HDGFL2: variants seen among roughly 807,000 people sequenced by gnomAD.
The protein encoded by HDGFL2 is HDGF like 2.
HDGFL2 carries 36 observed loss-of-function variants against 77.1 expected under a neutral mutation model. The observed-to-expected ratio is 0.47, with a 90% CI of 0.36 to 0.62. The LOEUF (loss-of-function observed/expected upper bound fraction) is 0.62. HDGFL2 is among the 20% of genes least tolerant of loss of function. HDGFL2 has a pLI of 0.00. For synonymous variants in HDGFL2, 463 were observed against 413.1 expected (o/e 1.12, Z -1.46); for missense variants, 976 against 973.4 (o/e 1.00, Z -0.04).
chr19:4,489,124 T>A (rs555447447), intron 4 of HDGFL2, among the ~76,000 whole-genome samples: 137 of 151,862 alleles, frequency 9.0e-4, no homozygotes, highest in African/African-American at 3.2e-3. Flanking sequence ...TGGCTAATTT[T>A]TGTATTTTTG....
At chr19:4,472,457 G>GT (rs1416881826) in intron 1 of HDGFL2, 35 bp downstream of exon 1, 33 of 455,732 alleles carry the variant, frequency 7.2e-5, no homozygotes, top group African/African-American at 5.6e-4. Context: ...CGGTGGGGGG[G>GT]GGGGGGGGGG....
At position 4,488,717 on chromosome 19, in the gene HDGFL2, C is replaced by T. The variant is rs747022562; in HGVS notation, c.330C>T (p.Pro110=). ...SSDSEAPEAN[P]ADGSDADEDD... is the part of the protein sequence containing the mutation. ...ACAGCGAGGCCCCCGAGGCCAACCC[C>T]GCCGACGGCAGTGACGCTGACGAGG... is the stretch of plus-strand genomic sequence containing the variant. Residue 110 remains proline (P), a synonymous_variant, in exon 4 of 16, where the codon CCC becomes CCT. Transcript: ENST00000616600. 33 of 1,552,650 alleles carry T rather than the reference C, an allele frequency of 2.1e-5. No homozygotes were observed. The highest frequency in any genetic ancestry group is 3.3e-4 in the Middle Eastern group (2 of 6,004).
At position 4,488,701 on chromosome 19, in the gene HDGFL2, C is replaced by T. The variant is rs889772861; in HGVS notation, c.314C>T (p.Ala105Val). The T allele has an allele frequency of 6.5e-7, 1 of 1,548,892 alleles. No individual in the cohort carries two copies. The highest frequency in any genetic ancestry group is 8.7e-7 in the Non-Finnish European group (1 of 1,148,272). Residue 105 changes from alanine to valine, a missense_variant, in exon 4 of 16, where the codon GCC (alanine) becomes GTC (valine). Transcript: ENST00000616600. ...PPPVSSSDSE[A>V]PEANPADGSD... ...CCAGTGAGCTCCTCCGACAGCGAGGCCCCCGAGGCCAACCCCGCCGACGGC... is the reference window on the plus strand; with the variant it reads ...CCAGTGAGCTCCTCCGACAGCGAGGTCCCCGAGGCCAACCCCGCCGACGGC...
Position 4,502,003 on chromosome 19 carries a change from A to C in HDGFL2, c.2009A>C (p.Glu670Ala). 6.6e-7 allele frequency: 1 copy of C among 1,517,186 alleles called. No homozygotes were observed. Among genetic ancestry groups the C allele is most frequent in the Non-Finnish European group, 8.8e-7 (1 of 1,139,868 alleles). 94.0% of individuals were successfully genotyped at this position (1,517,186 alleles called of 1,614,324 possible). ...ARGDSEALDE[E>A]S ...GGGGACTCGGAGGCCCTGGACGAGG[A>C]GAGCTGAGCCGCGGGCAGCCAGGCC... Residue 670 changes from glutamate to alanine, a missense_variant, in exon 16 of 16, where the codon GAG becomes GCG. Coordinates refer to ENST00000616600, the MANE Select transcript of HDGFL2 (RefSeq NM_001001520.3).
At chr19:4,500,276 GTCTTTTTTTTCTTTTT>G (rs1002228691) in intron 14 of HDGFL2, among the ~76,000 whole-genome samples, 1 of 152,116 alleles carries the variant, frequency 6.6e-6, no homozygotes, top group African/African-American at 2.4e-5. Flanking sequence ...GAAGGCTAGT[GTCTTTTTTTTCTTTTT>G]TCTTTTTTTT....
chr19:4,480,513 G>A (rs990521676), intron 3 of HDGFL2, among the ~76,000 whole-genome samples: 2 of 152,230 alleles, frequency 1.3e-5, no homozygotes, highest in Non-Finnish European at 2.9e-5. Flanking sequence ...GAGGTCAGGA[G>A]TTTGAGATCA....
chr19:4,496,447 C>CCCCGCAT, intron 10 of HDGFL2, 42 bp downstream of exon 10: 1 of 1,420,372 alleles, frequency 7.0e-7, no homozygotes, highest in East Asian at 2.4e-5. Context: ...GGGCCCCGCA[C>CCCCGCAT]CCCGCATCAC....
rs1281753991 is a variant in HDGFL2, at chr19:4,493,758, C to T, written c.734C>T (p.Pro245Leu). The T allele has an allele frequency of 6.5e-7, 1 of 1,542,318 alleles. No individual in the cohort carries two copies. The highest frequency in any genetic ancestry group is 2.0e-5 in the Admixed American group (1 of 50,312). Residue 245 changes from proline (P) to leucine (L), a missense_variant, in exon 7 of 16, where the codon CCT becomes CTT. Physicochemically the swap from Pro to Leu is moderately conservative, Grantham distance 98. This residue lies in a region of HDGFL2 where 567 missense variants were observed against 534.7 expected (regional missense o/e 1.06). Coordinates refer to ENST00000616600, the MANE Select transcript of HDGFL2 (RefSeq NM_001001520.3). ...AAGGCCGATTCGGACGGGGCCAAGC[C>T]TGAGCCGGTGGCCATGGCGCGGTCG... is the stretch of plus-strand genomic sequence containing the variant. ...DSKADSDGAK[P>L]EPVAMARSAS...
chr19:4,495,320 A>T (rs1975672208), intron 9 of HDGFL2, among the ~76,000 whole-genome samples: 1 of 136,398 alleles, frequency 7.3e-6, no homozygotes, highest in African/African-American at 2.7e-5. Flanking sequence ...CCTGGGAGGC[A>T]GAGGTTGCAG....
At chr19:4,499,294 C>T (rs112393847) in intron 13 of HDGFL2, among the ~76,000 whole-genome samples, 197 bp from the exon 14 acceptor site, 3,753 of 151,476 alleles carry the variant, frequency 0.025, 155 homozygotes, top group African/African-American at 0.086. Flanking sequence ...TGCAGTGAGC[C>T]GAGATCGCGC....
At chr19:4,478,273 G>T (rs370740521) in intron 3 of HDGFL2, among the ~76,000 whole-genome samples, 35 of 150,368 alleles carry the variant, frequency 2.3e-4, no homozygotes, top group African/African-American at 8.3e-4. Flanking sequence ...TGTGGTCTTG[G>T]CTAATTGCAA....
At chr19:4,489,644 C>T (rs760484549) in intron 4 of HDGFL2, among the ~76,000 whole-genome samples, 12 of 151,620 alleles carry the variant, frequency 7.9e-5, no homozygotes, top group Non-Finnish European at 1.5e-4. Flanking sequence ...CCTCATGATC[C>T]GCCCGCTTCG....
At chr19:4,495,714 C>G (rs1459420590) in intron 9 of HDGFL2, among the ~76,000 whole-genome samples, 2 of 152,106 alleles carry the variant, frequency 1.3e-5, no homozygotes. Context: ...CACTCGGGTG[C>G]TCTCGGGTGC....
chr19:4,495,954 G>C (rs1975690556), intron 9 of HDGFL2, among the ~76,000 whole-genome samples: 1 of 152,174 alleles, frequency 6.6e-6, no homozygotes, highest in Non-Finnish European at 1.5e-5. Context: ...GCCTTCTTTG[G>C]GGAAAGCACG....
intron 3 of HDGFL2, among the ~76,000 whole-genome samples, chr19:4,488,305 C>T (rs1451556255): frequency 2.6e-5 from 4 of 152,188 alleles, no homozygotes; most frequent in South Asian, 2.1e-4. Flanking sequence ...GACATGGTCT[C>T]GGCACTGTCT....
At chr19:4,495,003 A>C in intron 9 of HDGFL2, among the ~76,000 whole-genome samples, 1 of 152,168 alleles carries the variant, frequency 6.6e-6, no homozygotes, top group South Asian at 2.1e-4. Flanking sequence ...TAAGGAGAAG[A>C]GTAAAGTGGG....
At chr19:4,490,029 C>G (rs970911385) in intron 4 of HDGFL2, among the ~76,000 whole-genome samples, 1 of 152,218 alleles carries the variant, frequency 6.6e-6, no homozygotes, top group African/African-American at 2.4e-5. Flanking sequence ...CCTTCCTTCA[C>G]CAAGCGTGAC....
At chr19:4,501,149 C>T in intron 14 of HDGFL2, 42 bp from the exon 15 acceptor site, 3 of 1,610,764 alleles carry the variant, frequency 1.9e-6, no homozygotes, top group Non-Finnish European at 2.5e-6. Context: ...GGGTGCCCAG[C>T]TGGAGCCCAG....
chr19:4,488,267 G>A (rs543529134), intron 3 of HDGFL2, among the ~76,000 whole-genome samples: 36 of 152,278 alleles, frequency 2.4e-4, no homozygotes, highest in Non-Finnish European at 3.5e-4. Context: ...CTCCGCGCCC[G>A]GCCAGGGCAG....
Sources: allele counts gnomAD v4.1 joint callset (sites outside exome capture counted in the v4.1 genomes callset), GRCh38; gene constraint gnomAD v4.1.1; regional missense constraint gnomAD v4.1.1; transcripts MANE v1.5; gene names NCBI Gene and HGNC (gene_info 2026-07-23, HGNC 2026-07-21).